Variants in HDAC4 observed in about 807,000 individuals in gnomAD.
The protein encoded by HDAC4 is histone deacetylase 4, also known as histone deacetylase A.
A neutral mutation model predicts 135.1 loss-of-function variants in HDAC4; 16 were observed. That is an observed-to-expected ratio of 0.12 (90% CI 0.08 to 0.18). The LOEUF (loss-of-function observed/expected upper bound fraction) is 0.18, where lower values mean the gene tolerates loss of function less well. HDAC4 is among the 10% of genes least tolerant of loss of function. The pLI is 1.00. For synonymous variants in HDAC4, 685 were observed against 653.4 expected, an observed-to-expected ratio of 1.05 and a Z score of -0.74; for missense variants, 1,143 against 1,511.8, an observed-to-expected ratio of 0.76 and a Z score of 4.05.
chr2:239,163,779 G>C (rs574477788), intron 6 of HDAC4, 24 bp downstream of exon 6: 2 of 1,613,618 alleles, frequency 1.2e-6, no homozygotes, highest in East Asian at 4.5e-5. Flanking sequence ...AGGAGGCCGG[G>C]GTGCTCCCCA....
chr2:239,320,782 T>C (rs2053282145), intron 2 of HDAC4, among the ~76,000 whole-genome samples: 2 of 152,210 alleles, frequency 1.3e-5, no homozygotes, highest in African/African-American at 4.8e-5. Context: ...AACACAGCTC[T>C]TGTTAAGACA....
At chr2:239,368,761 G>C (rs1167906237) in intron 1 of HDAC4, among the ~76,000 whole-genome samples, 1 of 152,154 alleles carries the variant, frequency 6.6e-6, no homozygotes, top group East Asian at 1.9e-4. Context: ...GCTTATCACT[G>C]CTGGAGTGGA....
At position 239,299,317 on chromosome 2, in the gene HDAC4, T is replaced by C. The variant is rs1575646101; in HGVS notation, c.22+53361A>G. Among the ~76,000 whole-genome samples, 2 of 152,224 alleles carry C rather than the reference T, an allele frequency of 1.3e-5. No homozygotes were observed. The highest frequency in any genetic ancestry group is 4.1e-4 in the South Asian group (2 of 4,832). On this transcript the variant is annotated intron_variant, in intron 2 of 26. Transcript: ENST00000543185. This position sits in a 1 kb window ranked among gnomAD's most constrained non-coding sequence, Gnocchi z 4.0. ...ATCCTGTACAATAGGTTTATTTGTT[T>C]TGTTTCAAATGCCAAGTAGAGATAT...
At chr2:239,206,322 T>C (rs2046043653) in intron 3 of HDAC4, among the ~76,000 whole-genome samples, 1 of 151,546 alleles carries the variant, frequency 6.6e-6, no homozygotes, top group African/African-American at 2.4e-5. Flanking sequence ...AGCAAAAACC[T>C]GCCTCAAAAA....
At chr2:239,181,166 A>G (rs1052062624) in intron 4 of HDAC4, among the ~76,000 whole-genome samples, 1 of 152,216 alleles carries the variant, frequency 6.6e-6, no homozygotes, top group African/African-American at 2.4e-5. Context: ...CTGTCCACAA[A>G]CACGCCCACC....
At chr2:239,074,307 C>T (rs947075291) in intron 22 of HDAC4, among the ~76,000 whole-genome samples, 2 of 152,250 alleles carry the variant, frequency 1.3e-5, no homozygotes, top group Non-Finnish European at 2.9e-5. Flanking sequence ...GTGTCCTTGG[C>T]GAGGCACTCT....
At chr2:239,230,129 A>G (rs946094176) in intron 3 of HDAC4, among the ~76,000 whole-genome samples, 3 of 152,078 alleles carry the variant, frequency 2.0e-5, no homozygotes, top group Admixed American at 2.0e-4. Context: ...AACGCTGGTC[A>G]GCTGGGCCTG....
chr2:239,101,536 C>T (rs2152760984), intron 16 of HDAC4, among the ~76,000 whole-genome samples: 1 of 152,276 alleles, frequency 6.6e-6, no homozygotes, highest in African/African-American at 2.4e-5. Context: ...CCCCTGCAAC[C>T]CCTGCGTTCA....
rs1286361416 is a variant in HDAC4, at chr2:239,051,501, G to C, written c.*1596C>G. The C allele has an allele frequency of 2.0e-5, 3 of 152,462 alleles. No individual in the cohort carries two copies. The highest frequency in any genetic ancestry group is 4.4e-5 in the Non-Finnish European group (3 of 68,036). 9.4% of individuals were successfully genotyped at this position (152,462 alleles called of 1,614,324 possible). On this transcript the variant is annotated 3_prime_UTR_variant, in exon 27 of 27. Transcript: ENST00000543185. ...CATTCAGAAAATTGCTAAATGGTGA[G>C]GAAAAATGTAAAATTCATAAAACAA...
At chr2:239,178,737 G>A (rs150348010) in intron 4 of HDAC4, among the ~76,000 whole-genome samples, 79 of 152,282 alleles carry the variant, frequency 5.2e-4, no homozygotes, top group African/African-American at 1.3e-3. Flanking sequence ...AAGAGGGGAC[G>A]GTGAGAGGGT....
chr2:239,298,788 T>C (rs1469022049), intron 2 of HDAC4: 1 of 201,054 alleles, frequency 5.0e-6, no homozygotes, highest in African/African-American at 2.4e-5. Flanking sequence ...GAGACTTAAC[T>C]GTGTCATATG....
intron 24 of HDAC4, among the ~76,000 whole-genome samples, chr2:239,059,986 G>C (rs1452709272): frequency 6.6e-6 from 1 of 152,236 alleles, no homozygotes; most frequent in African/African-American, 2.4e-5. Flanking sequence ...GTTCTCGAGA[G>C]TGACCGTGGA....
chr2:239,132,330 A>G (rs1359002569), intron 11 of HDAC4, among the ~76,000 whole-genome samples: 1 of 152,162 alleles, frequency 6.6e-6, no homozygotes, highest in Non-Finnish European at 1.5e-5. Context: ...TGGCTGCACT[A>G]CGCTGCACAC....
intron 12 of HDAC4, among the ~76,000 whole-genome samples, chr2:239,118,464 G>A (rs138086525): frequency 1.3e-5 from 2 of 152,184 alleles, no homozygotes; most frequent in African/African-American, 2.4e-5. Flanking sequence ...AGCCAAACTC[G>A]CAGGGAGGAG....
At chr2:239,069,360 T>C (rs1371576714) in intron 22 of HDAC4, among the ~76,000 whole-genome samples, 1 of 92,928 alleles carries the variant, frequency 1.1e-5, no homozygotes, top group African/African-American at 4.1e-5. Context: ...TGAGAGGGAG[T>C]CACGGTGCAA....
At chr2:239,102,169 C>T (rs2037729531) in intron 16 of HDAC4, among the ~76,000 whole-genome samples, 1 of 151,960 alleles carries the variant, frequency 6.6e-6, no homozygotes. Flanking sequence ...CCCCCGGCCC[C>T]ACGTCTGGGT....
chr2:239,162,955 G>A (rs75234385), intron 6 of HDAC4, among the ~76,000 whole-genome samples: 2,945 of 152,142 alleles, frequency 0.019, 36 homozygotes, highest in Non-Finnish European at 0.029. Context: ...CTCCCTTATG[G>A]GATTTTTTTC....
intron 2 of HDAC4, among the ~76,000 whole-genome samples, chr2:239,319,267 T>C (rs72992643): frequency 0.016 from 2,370 of 152,306 alleles, 17 homozygotes; most frequent in Middle Eastern, 0.024. Flanking sequence ...GCTGTGACAA[T>C]GAAGGCAGCA....
intron 5 of HDAC4, among the ~76,000 whole-genome samples, chr2:239,170,555 A>T (rs966370763): frequency 4.6e-5 from 7 of 152,248 alleles, no homozygotes; most frequent in African/African-American, 1.7e-4. Context: ...CGAAGAACAT[A>T]AACAGTATAA....
Sources: gnomAD v4.1 joint callset for allele counts (sites outside exome capture counted in the v4.1 genomes callset) on GRCh38, gnomAD v4.1.1 for gene constraint, Gnocchi (gnomAD v3.1) non-coding constraint, MANE v1.5 for transcripts, NCBI Gene and HGNC (gene_info 2026-07-23, HGNC 2026-07-21) for gene names.